Variants in ELAPOR2 observed in about 807,000 individuals in gnomAD.
ELAPOR2 encodes endosome-lysosome associated apoptosis and autophagy regulator family member 2, also known as endosome/lysosome-associated apoptosis and autophagy regulator family member 2.
A neutral mutation model predicts 120.7 loss-of-function variants in ELAPOR2; 89 were observed. That is an observed-to-expected ratio of 0.74 (90% CI 0.62 to 0.88). The LOEUF (loss-of-function observed/expected upper bound fraction) is 0.88. ELAPOR2 is among the 40% of genes least tolerant of loss of function. The probability of loss-of-function intolerance (pLI) is 0.00; values close to 1 mark genes in which losing one functional copy is unlikely to be tolerated. For synonymous variants in ELAPOR2, 444 were observed against 444.9 expected (o/e 1.00, Z 0.03); for missense variants, 1,134 against 1,251.6 (o/e 0.91, Z 1.42).
chr7:87,033,239 A>T (rs930184360), intron 1 of ELAPOR2, among the ~76,000 whole-genome samples: 2 of 152,212 alleles, frequency 1.3e-5, no homozygotes, highest in African/African-American at 4.8e-5. Flanking sequence ...TTTGAGCTTC[A>T]GTTTCTTCAT....
At chr7:87,024,196 G>A (rs1794163855) in intron 1 of ELAPOR2, among the ~76,000 whole-genome samples, 2 of 152,148 alleles carry the variant, frequency 1.3e-5, no homozygotes, top group African/African-American at 4.8e-5. Flanking sequence ...TATTGGCTGT[G>A]AGTTTGTCGT....
intron 1 of ELAPOR2, among the ~76,000 whole-genome samples, chr7:87,045,878 C>T (rs1449507083): frequency 2.6e-5 from 4 of 151,950 alleles, no homozygotes; most frequent in Non-Finnish European, 5.9e-5. Flanking sequence ...GAAAGCCTTT[C>T]CTCTAAGATC....
Position 86,912,958 on chromosome 7 carries a change from C to T in ELAPOR2, c.1978G>A (p.Gly660Arg). ...GKEACIPCGP[G>R]SKNNQDHSVC... ...CCACTTACCTGATTGTTTTTACTCC[C>T]AGGCCCGCATGGAATACAAGCCTCT... is the stretch of plus-strand genomic sequence containing the variant. Residue 660 changes from glycine to arginine, a missense_variant, in exon 14 of 22, where the codon GGG (glycine) becomes AGG (arginine). Coordinates refer to ENST00000450689, the MANE Select transcript of ELAPOR2 (RefSeq NM_001142749.3). 8 of 1,613,970 alleles carry T rather than the reference C, an allele frequency of 5.0e-6. No homozygotes were observed. Among genetic ancestry groups the T allele is most frequent in the Non-Finnish European group, 6.8e-6 (8 of 1,179,944 alleles).
intron 1 of ELAPOR2, among the ~76,000 whole-genome samples, chr7:86,974,233 G>C (rs2116521453): frequency 6.6e-6 from 1 of 152,168 alleles, no homozygotes; most frequent in Admixed American, 6.5e-5. Context: ...GGGCGTCTTT[G>C]CTTTTGCAAG....
chr7:87,058,124 C>T lies in ELAPOR2; in HGVS notation c.189+1201G>A, dbSNP rs1795318180. Among the ~76,000 whole-genome samples, 4 of 152,184 alleles carry T rather than the reference C, an allele frequency of 2.6e-5. No individual in the cohort carries two copies. In the South Asian group the frequency reaches 6.2e-4, roughly 24 times the overall value. On this transcript the variant is annotated intron_variant, in intron 1 of 21. Transcript: ENST00000450689. The stretch of plus-strand genomic sequence containing the variant: ...TGTGTTCGCACACAAGCCTTTGATC[C>T]GATTCTCTTTCATTTCAGTCTGTCC...
At chr7:87,038,292 A>C (rs949035486) in intron 1 of ELAPOR2, among the ~76,000 whole-genome samples, 2 of 152,220 alleles carry the variant, frequency 1.3e-5, no homozygotes, top group Admixed American at 6.5e-5. Context: ...TGATATGTTA[A>C]GGGAGGTAAT....
At chr7:86,989,338 T>G (rs1483734285) in intron 1 of ELAPOR2, among the ~76,000 whole-genome samples, 1 of 152,200 alleles carries the variant, frequency 6.6e-6, no homozygotes, top group South Asian at 2.1e-4. Flanking sequence ...TCTTGCACAT[T>G]GGCTTTTGTC....
chr7:86,996,228 C>A (rs1054706609), intron 1 of ELAPOR2, among the ~76,000 whole-genome samples: 11 of 152,114 alleles, frequency 7.2e-5, no homozygotes, highest in Non-Finnish European at 1.2e-4. Context: ...GAGAGCTCTA[C>A]TTTAAATAGG....
At chr7:86,943,221 A>G (rs1790872316) in intron 4 of ELAPOR2, among the ~76,000 whole-genome samples, 1 of 151,886 alleles carries the variant, frequency 6.6e-6, no homozygotes, top group Admixed American at 6.6e-5. Flanking sequence ...TGTTATCTTG[A>G]CATTCTACTG....
chr7:86,921,506 T>C (rs948211718), intron 10 of ELAPOR2, among the ~76,000 whole-genome samples: 1 of 152,026 alleles, frequency 6.6e-6, no homozygotes, highest in Non-Finnish European at 1.5e-5. Flanking sequence ...AGAAGGGATA[T>C]TCCCCTAAAG....
intron 1 of ELAPOR2, among the ~76,000 whole-genome samples, chr7:86,966,506 G>A (rs1310580424): frequency 6.6e-6 from 1 of 152,214 alleles, no homozygotes; most frequent in East Asian, 1.9e-4. Flanking sequence ...GTCTGTTCAA[G>A]GCCATCTAGA....
At position 86,877,350 on chromosome 7, in the gene ELAPOR2, C is replaced by G. The variant is rs192364022; in HGVS notation, c.*3121G>C. 6.6e-6 allele frequency: 1 copy of G among 152,136 alleles called. No individual in the cohort carries two copies. The highest frequency in any genetic ancestry group is 1.9e-4 in the East Asian group (1 of 5,196). The allele number at this position is 152,136 out of a possible 1,614,324, so 9.4% of individuals were successfully genotyped here. A position where few individuals can be genotyped will look rare whatever the true frequency, so the allele number is the denominator to read the frequency against. ...TTCTAAAAGTTTACTCCTCTAAGGA[C>G]ATTTTCTTTGGGCAAACTCAGTTTA... On this transcript the variant is annotated 3_prime_UTR_variant, in exon 22 of 22. Coordinates refer to ENST00000450689, the MANE Select transcript of ELAPOR2 (RefSeq NM_001142749.3).
At chr7:87,036,044 G>T (rs536340198) in intron 1 of ELAPOR2, among the ~76,000 whole-genome samples, 2 of 152,310 alleles carry the variant, frequency 1.3e-5, no homozygotes, top group African/African-American at 4.8e-5. Flanking sequence ...TATTGCATTG[G>T]AGATGTTCTT....
chr7:86,898,647 G>A (rs1788562998), intron 18 of ELAPOR2, among the ~76,000 whole-genome samples: 1 of 150,608 alleles, frequency 6.6e-6, no homozygotes, highest in Non-Finnish European at 1.5e-5. Context: ...GTAGGAGTTA[G>A]CCAGAATAGA....
Position 86,965,042 on chromosome 7 carries a change from A to G in ELAPOR2, c.190-18T>C, listed in dbSNP as rs1220936729. The G allele has an allele frequency of 3.2e-6, 5 of 1,551,386 alleles. No individual in the cohort carries two copies. Among genetic ancestry groups the G allele is most frequent in the Non-Finnish European group, 4.4e-6 (5 of 1,146,716 alleles). On this transcript the variant is annotated intron_variant, in intron 1 of 21. Transcript: ENST00000450689. ...TAATCTTTCTGCAAACAATCACAAA[A>G]ACAAGCCTTTGTTAGAGCCAGTTCT...
chr7:86,884,909 G>A (rs1183386982), intron 21 of ELAPOR2, among the ~76,000 whole-genome samples: 1 of 152,130 alleles, frequency 6.6e-6, no homozygotes, highest in Non-Finnish European at 1.5e-5. Context: ...CAGTAAAAAG[G>A]TCCCAGAGAT....
At chr7:86,913,675 C>T (rs544484641) in intron 13 of ELAPOR2, among the ~76,000 whole-genome samples, 1 of 152,318 alleles carries the variant, frequency 6.6e-6, no homozygotes, top group African/African-American at 2.4e-5. Flanking sequence ...CAAACATTAA[C>T]TGTGCTAAAT....
At chr7:86,952,471 G>T (rs568428094) in intron 2 of ELAPOR2, among the ~76,000 whole-genome samples, 3 of 152,108 alleles carry the variant, frequency 2.0e-5, no homozygotes, top group Admixed American at 6.6e-5. Context: ...AATACAAAAA[G>T]GGCAAACAAT....
intron 21 of ELAPOR2, among the ~76,000 whole-genome samples, chr7:86,887,894 C>A (rs1202963654): frequency 6.6e-6 from 1 of 151,990 alleles, no homozygotes; most frequent in African/African-American, 2.4e-5. Context: ...TACACACAGA[C>A]AGACACACAT....
Sources: allele counts gnomAD v4.1 joint callset (sites outside exome capture counted in the v4.1 genomes callset), GRCh38; gene constraint gnomAD v4.1.1; transcripts MANE v1.5; gene names NCBI Gene and HGNC (gene_info 2026-07-23, HGNC 2026-07-21).